Variants in SMG6 observed in about 807,000 individuals in gnomAD.
SMG6 encodes the protein telomerase-binding protein EST1A.
SMG6 carries 66 observed loss-of-function variants against 142.2 expected under a neutral mutation model. That is an observed-to-expected ratio of 0.46 (90% CI 0.38 to 0.57). SMG6 has a LOEUF of 0.57. Among genes scored for constraint, SMG6 ranks in the 20% least tolerant of loss-of-function variants. The probability of loss-of-function intolerance (pLI) is 0.00; values close to 1 mark genes in which losing one functional copy is unlikely to be tolerated. For synonymous variants in SMG6, 779 were observed against 702.4 expected, an observed-to-expected ratio of 1.11 and a Z score of -1.72; for missense variants, 1,793 against 1,832.0, an observed-to-expected ratio of 0.98 and a Z score of 0.39.
intron 8 of SMG6, among the ~76,000 whole-genome samples, chr17:2,246,507 ACT>A (rs2073930641): frequency 6.6e-6 from 1 of 152,238 alleles, no homozygotes; most frequent in Non-Finnish European, 1.5e-5. Context: ...TCAACATCAA[ACT>A]CTGCATAGAA....
intron 8 of SMG6, among the ~76,000 whole-genome samples, chr17:2,270,836 C>T (rs1336754655): frequency 6.6e-6 from 1 of 152,194 alleles, no homozygotes; most frequent in African/African-American, 2.4e-5. Flanking sequence ...AAGATGCTTC[C>T]TTACGAAATG....
At chr17:2,287,689 T>C (rs550312289) in intron 6 of SMG6, among the ~76,000 whole-genome samples, 1 of 152,192 alleles carries the variant, frequency 6.6e-6, no homozygotes, top group Non-Finnish European at 1.5e-5. Context: ...AAATGTGGTA[T>C]ATATACACAA....
At chr17:2,274,602 T>C (rs2074609152) in intron 8 of SMG6, among the ~76,000 whole-genome samples, 1 of 152,180 alleles carries the variant, frequency 6.6e-6, no homozygotes, top group South Asian at 2.1e-4. Flanking sequence ...GGAGCTTCTA[T>C]GGTACAGTCC....
chr17:2,251,631 T>G (rs1229164204), intron 8 of SMG6, among the ~76,000 whole-genome samples: 1 of 152,252 alleles, frequency 6.6e-6, no homozygotes, highest in Non-Finnish European at 1.5e-5. Context: ...AGTTTAGTGC[T>G]GCCTCTTATA....
Position 2,085,820 on chromosome 17 carries a change from C to T in SMG6, c.3439G>A (p.Ala1147Thr). Reference protein sequence around the residue: ...ALCGQEEPLLAFKGGKYVSVA... With the variant: ...ALCGQEEPLLTFKGGKYVSVA... ...GACACATACTTTCCACCCTTGAATG[C>T]CAGCAGAGGCTCTTCTTGTCCACAA... The change falls in exon 14 of 19, where the codon GCA (alanine) becomes ACA (threonine). Residue 1147 changes from alanine (A) to threonine (T), a missense_variant. This residue lies in a region of SMG6 where 1,597 missense variants were observed against 1,584.6 expected (regional missense o/e 1.01). Transcript: ENST00000263073. The surrounding 1 kb of genome is among the most constrained non-coding windows in gnomAD (Gnocchi z 4.1). 3 of 1,614,164 alleles carry T rather than the reference C, an allele frequency of 1.9e-6. No individual in the cohort carries two copies. Among genetic ancestry groups the T allele is most frequent in the Non-Finnish European group, 2.5e-6 (3 of 1,180,014 alleles).
chr17:2,252,031 C>T (rs1014077164), intron 8 of SMG6, among the ~76,000 whole-genome samples: 1 of 151,008 alleles, frequency 6.6e-6, no homozygotes, highest in African/African-American at 2.4e-5. Flanking sequence ...AACCAGGAGA[C>T]GGAGGTTGCA....
At chr17:2,172,514 G>T in intron 13 of SMG6, 144 bp downstream of exon 13, 3 of 794,376 alleles carry the variant, frequency 3.8e-6, no homozygotes, top group South Asian at 3.6e-5. Flanking sequence ...GGATGTCAGC[G>T]GCTAAAAGGT....
chr17:2,282,839 C>T lies in SMG6; in HGVS notation c.2469G>A (p.Lys823=), dbSNP rs151274559. ...GGCTCAGGTCAAATTCCTCATGTTG[C>T]TTCTTTTCCATCTGTTCTGCCTATA... The part of the protein sequence containing the change: ...TKRKAEQMEK[K]QHEEFDLSPD... The change falls in exon 8 of 19, where the codon AAG becomes AAA. Residue 823 remains lysine, a synonymous_variant. Transcript: ENST00000263073. 67 of 1,614,122 alleles carry T rather than the reference C, an allele frequency of 4.2e-5. No individual in the cohort carries two copies. In the African/African-American group the frequency reaches 8.7e-4, roughly 21 times the overall value.
At chr17:2,087,869 A>G (rs2068607910) in intron 13 of SMG6, 2 of 985,848 alleles carry the variant, frequency 2.0e-6, no homozygotes, top group Non-Finnish European at 2.4e-6. Context: ...TCTGTGGTCT[A>G]ATTTTAACCA....
chr17:2,216,668 T>C (rs2073029441), intron 10 of SMG6, among the ~76,000 whole-genome samples: 1 of 152,216 alleles, frequency 6.6e-6, no homozygotes, highest in South Asian at 2.1e-4. Flanking sequence ...TTTCTGGCCC[T>C]TTTTTGTGAG....
At chr17:2,273,566 G>T (rs992019737) in intron 8 of SMG6, among the ~76,000 whole-genome samples, 1 of 152,186 alleles carries the variant, frequency 6.6e-6, no homozygotes, top group Non-Finnish European at 1.5e-5. Context: ...CGGGGAGGCG[G>T]AAGTTGCAGC....
At chr17:2,128,346 C>T (rs543841405) in intron 13 of SMG6, among the ~76,000 whole-genome samples, 2 of 152,284 alleles carry the variant, frequency 1.3e-5, no homozygotes, top group African/African-American at 2.4e-5. Flanking sequence ...GTAGACCAGC[C>T]GCATTTCATG....
At chr17:2,236,403 T>C (rs2073654261) in intron 10 of SMG6, 89 bp downstream of exon 10, 1 of 1,309,664 alleles carries the variant, frequency 7.6e-7, no homozygotes, top group Non-Finnish European at 1.1e-6. Flanking sequence ...TGGGGGGAGG[T>C]AGGTATGGTA....
Position 2,282,850 on chromosome 17 carries a change from T to C in SMG6, c.2458A>G (p.Met820Val). The change falls in exon 8 of 19, where the codon ATG (methionine) becomes GTG (valine). Residue 820 changes from methionine (M) to valine (V), a missense_variant. Physicochemically the swap from Met to Val is conservative, Grantham distance 21 (BLOSUM62 1). Around this residue, in one of 3 missense-constraint regions of SMG6, gnomAD observed 1,597 missense variants for 1,584.6 expected, o/e 1.01. Coordinates refer to ENST00000263073, the MANE Select transcript of SMG6 (RefSeq NM_017575.5). ...FEETKRKAEQ[M>V]EKKQHEEFDL... ...AATTCCTCATGTTGCTTCTTTTCCA[T>C]CTGTTCTGCCTATATAACATACAAA... 1.2e-6 allele frequency: 2 copies of C among 1,614,176 alleles called. No individual in the cohort carries two copies. Among genetic ancestry groups the C allele is most frequent in the Non-Finnish European group, 8.5e-7 (1 of 1,180,032 alleles).
intron 10 of SMG6, chr17:2,229,497 C>A (rs1465819706): frequency 2.0e-5 from 3 of 151,928 alleles, no homozygotes; most frequent in Non-Finnish European, 2.9e-5. Context: ...GTATAATTTA[C>A]TAGCTGTGCA....
intron 8 of SMG6, among the ~76,000 whole-genome samples, chr17:2,278,806 C>T (rs1008593406): frequency 2.0e-5 from 3 of 152,154 alleles, no homozygotes; most frequent in African/African-American, 7.2e-5. Context: ...AATTTTTAAA[C>T]ATGACCAACA....
At chr17:2,278,038 A>G (rs2074700943) in intron 8 of SMG6, among the ~76,000 whole-genome samples, 1 of 152,010 alleles carries the variant, frequency 6.6e-6, no homozygotes, top group Non-Finnish European at 1.5e-5. Context: ...ACAGAGGGAG[A>G]TCCTATCTCT....
chr17:2,174,854 G>A (rs1234450216), intron 12 of SMG6, among the ~76,000 whole-genome samples: 1 of 152,184 alleles, frequency 6.6e-6, no homozygotes, highest in Non-Finnish European at 1.5e-5. Flanking sequence ...AATGGGAAAC[G>A]CGGCATTCAG....
At chr17:2,255,092 G>A (rs1567721785) in intron 8 of SMG6, among the ~76,000 whole-genome samples, 1 of 152,094 alleles carries the variant, frequency 6.6e-6, no homozygotes, top group Non-Finnish European at 1.5e-5. Flanking sequence ...AGGGCATGTT[G>A]GACAGGTCCT....
Sources: gnomAD v4.1 joint callset for allele counts (sites outside exome capture counted in the v4.1 genomes callset) on GRCh38, gnomAD v4.1.1 for gene constraint, gnomAD v4.1.1 regional missense constraint, Gnocchi (gnomAD v3.1) non-coding constraint, MANE v1.5 for transcripts, NCBI Gene and HGNC (gene_info 2026-07-23, HGNC 2026-07-21) for gene names.